The following SGMS2 variants were observed in gnomAD, a reference collection of about 807,000 sequenced individuals.
The protein encoded by SGMS2 is sphingomyelin synthase 2.
SGMS2 carries 21 observed loss-of-function variants against 43.8 expected under a neutral mutation model. The ratio of observed to expected loss-of-function variants is 0.48; its 90% CI spans 0.34 to 0.69. The LOEUF (loss-of-function observed/expected upper bound fraction) is 0.69. SGMS2 is among the 30% of genes least tolerant of loss of function. The pLI is 0.01. For synonymous variants in SGMS2, 167 were observed against 160.6 expected, an observed-to-expected ratio of 1.04 and a Z score of -0.30; for missense variants, 384 against 443.2, an observed-to-expected ratio of 0.87 and a Z score of 1.20.
At chr4:107,864,651 A>T (rs7672043) in intron 2 of SGMS2, among the ~76,000 whole-genome samples, 4 of 152,042 alleles carry the variant, frequency 2.6e-5, no homozygotes, top group Non-Finnish European at 5.9e-5. Context: ...ATTAAGGTGT[A>T]TAACATGATA....
intron 1 of SGMS2, among the ~76,000 whole-genome samples, chr4:107,852,155 G>A (rs6818990): frequency 0.018 from 2,747 of 151,150 alleles, 48 homozygotes; most frequent in Non-Finnish European, 0.03. Flanking sequence ...TGCAAGGTCC[G>A]CCTCCTGAGT....
intron 1 of SGMS2, among the ~76,000 whole-genome samples, chr4:107,848,372 T>A (rs1364129974): frequency 2.6e-5 from 4 of 152,224 alleles, no homozygotes; most frequent in Non-Finnish European, 4.4e-5. Context: ...ATAAAGTTGC[T>A]TAAACATTTG....
chr4:107,905,168 G>A (rs1350847077), intron 5 of SGMS2, among the ~76,000 whole-genome samples: 5 of 152,170 alleles, frequency 3.3e-5, no homozygotes, highest in African/African-American at 1.2e-4. Context: ...GTGGTTTAGT[G>A]GACTCACAGT....
intron 1 of SGMS2, among the ~76,000 whole-genome samples, chr4:107,853,065 G>A (rs1156252482): frequency 6.6e-6 from 1 of 151,776 alleles, no homozygotes; most frequent in Non-Finnish European, 1.5e-5. Context: ...TTACTGTTAT[G>A]ATATTATATG....
Position 107,882,504 on chromosome 4 carries a change from T to C in SGMS2, c.-244-12806T>C, listed in dbSNP as rs1285707765. On this transcript the variant is annotated intron_variant, in intron 2 of 6. Transcript: ENST00000690982. The stretch of plus-strand genomic sequence containing the variant: ...GCTCCTTATATATTCTGGTTATTAA[T>C]CTCTTGTCAGATGGATAGTTTGTAA... 2.0e-5 allele frequency among the ~76,000 whole-genome samples: 3 copies of C among 152,314 alleles called. No individual in the cohort carries two copies. The East Asian group carries it at 5.8e-4, about 29-fold the overall frequency.
chr4:107,897,924 G>A (rs1578644115), intron 3 of SGMS2, among the ~76,000 whole-genome samples: 1 of 152,176 alleles, frequency 6.6e-6, no homozygotes, highest in South Asian at 2.1e-4. Flanking sequence ...AAATAAGGCT[G>A]TAGAGTACAT....
At chr4:107,906,116 G>C (rs554029130) in intron 5 of SGMS2, among the ~76,000 whole-genome samples, 2 of 152,228 alleles carry the variant, frequency 1.3e-5, no homozygotes, top group African/African-American at 4.8e-5. Context: ...TATACCATAT[G>C]TTCTTGTTCT....
chr4:107,857,167 T>C (rs943645707), intron 1 of SGMS2, among the ~76,000 whole-genome samples: 1 of 152,200 alleles, frequency 6.6e-6, no homozygotes, highest in African/African-American at 2.4e-5. Context: ...GTTGTCAGGA[T>C]TCATTCGTGC....
intron 1 of SGMS2, among the ~76,000 whole-genome samples, chr4:107,857,186 G>T (rs1727472953): frequency 6.6e-6 from 1 of 152,152 alleles, no homozygotes; most frequent in Non-Finnish European, 1.5e-5. Flanking sequence ...GCTACAGTGT[G>T]TATCACTGCC....
chr4:107,841,469 G>T (rs1318206616), intron 1 of SGMS2, among the ~76,000 whole-genome samples: 5 of 150,266 alleles, frequency 3.3e-5, no homozygotes, highest in Non-Finnish European at 5.9e-5. Context: ...CTTTGCCCTT[G>T]TTGAGAATGC....
chr4:107,831,169 C>T (rs1725869562), intron 1 of SGMS2, among the ~76,000 whole-genome samples: 1 of 152,178 alleles, frequency 6.6e-6, no homozygotes, highest in Non-Finnish European at 1.5e-5. Flanking sequence ...GATTCTAATG[C>T]CATGCACTTC....
At chr4:107,880,591 C>A (rs967488515) in intron 2 of SGMS2, among the ~76,000 whole-genome samples, 1 of 152,094 alleles carries the variant, frequency 6.6e-6, no homozygotes, top group African/African-American at 2.4e-5. Context: ...TGCGATGGCT[C>A]ACACCTATAA....
chr4:107,848,458 G>A (rs1270360301), intron 1 of SGMS2, among the ~76,000 whole-genome samples: 1 of 152,146 alleles, frequency 6.6e-6, no homozygotes, highest in African/African-American at 2.4e-5. Flanking sequence ...CTTGTCACAT[G>A]CTAAGACTCT....
In SGMS2 at chr4:107,864,764, C is replaced by G. The variant is rs183032155; in HGVS notation, c.-245+6211C>G. Among the ~76,000 whole-genome samples the G allele has an allele frequency of 2.3e-4, 35 of 152,248 alleles. No individual in the cohort carries two copies. The East Asian group carries it at 6.4e-3, about 28-fold the overall frequency. ...AAAGCCCGTTGAACTGTAAAATTTT[C>G]CAGCTTTCCTTGAAGTCACAATATA... is the stretch of plus-strand genomic sequence containing the variant. On this transcript the variant is annotated intron_variant, in intron 2 of 6. Transcript: ENST00000690982.
At chr4:107,828,205 T>C (rs1266048065) in intron 1 of SGMS2, among the ~76,000 whole-genome samples, 1 of 152,066 alleles carries the variant, frequency 6.6e-6, no homozygotes, top group Admixed American at 6.6e-5. Context: ...CTGCCCCCTC[T>C]TTATATTTTG....
chr4:107,847,773 T>C (rs968513527), intron 1 of SGMS2, among the ~76,000 whole-genome samples: 3 of 152,288 alleles, frequency 2.0e-5, no homozygotes, highest in Admixed American at 2.0e-4. Context: ...AAATACTTTT[T>C]TGGTAAATTA....
intron 5 of SGMS2, among the ~76,000 whole-genome samples, chr4:107,906,603 C>G (rs1224087232): frequency 6.6e-6 from 1 of 152,182 alleles, no homozygotes; most frequent in East Asian, 1.9e-4. Context: ...AAGAGGATTA[C>G]CATTTTGCCA....
At chr4:107,827,263 A>G (rs902873696) in intron 1 of SGMS2, among the ~76,000 whole-genome samples, 2 of 152,208 alleles carry the variant, frequency 1.3e-5, no homozygotes, top group African/African-American at 4.8e-5. Context: ...CTAGTATCAG[A>G]TATTTATTTG....
At position 107,877,913 on chromosome 4, in the gene SGMS2, C is replaced by CTTTTCT. The variant is rs1729041526; in HGVS notation, c.-244-17393_-244-17392insCTTTTT. 7.9e-3 allele frequency among the ~76,000 whole-genome samples: 805 copies of CTTTTCT among 102,284 alleles called. 11 individuals are homozygous for CTTTTCT. The highest frequency in any genetic ancestry group is 0.011 in the Non-Finnish European group (590 of 51,504). The allele number at this position is 102,284 out of a possible 152,430, so 67.1% of individuals were successfully genotyped here. On this transcript the variant is annotated intron_variant, in intron 2 of 6. Transcript: ENST00000690982. ...CTCTTTCTTTCTTTCTTTTTCTTTT[C>CTTTTCT]TTTTTTTTTTTTTTTTTTTTGAGAT...
Sources: gnomAD v4.1 joint callset for allele counts (sites outside exome capture counted in the v4.1 genomes callset) on GRCh38, gnomAD v4.1.1 for gene constraint, MANE v1.5 for transcripts, NCBI Gene and HGNC (gene_info 2026-07-23, HGNC 2026-07-21) for gene names.